PCDHGA7: variants seen among roughly 807,000 people sequenced by gnomAD.
PCDHGA7 encodes protocadherin gamma subfamily A, 7.
Under a neutral mutation model 58.3 loss-of-function variants are expected in PCDHGA7, and 44 were observed. The observed-to-expected ratio is 0.75, with a 90% CI of 0.59 to 0.97. The LOEUF (loss-of-function observed/expected upper bound fraction) is 0.97, where lower values mean the gene tolerates loss of function less well. Among genes scored for constraint, PCDHGA7 ranks in the 50% least tolerant of loss-of-function variants. The pLI is 0.00. For synonymous variants in PCDHGA7, 516 were observed against 504.2 expected (o/e 1.02, Z -0.31); for missense variants, 1,266 against 1,188.7 (o/e 1.06, Z -0.96).
chr5:141,410,885 G>A (rs970749503), intron 1 of PCDHGA7: 7 of 287,302 alleles, frequency 2.4e-5, no homozygotes, highest in African/African-American at 1.6e-4. Context: ...ATGGAGTCTC[G>A]CACTGTTGCC....
At chr5:141,504,378 C>T (rs2099837786) in intron 2 of PCDHGA7, among the ~76,000 whole-genome samples, 1 of 152,052 alleles carries the variant, frequency 6.6e-6, no homozygotes, top group Non-Finnish European at 1.5e-5. Flanking sequence ...CAGGTGGAGT[C>T]GCTGCCTCAC....
At position 141,477,055 on chromosome 5, in the gene PCDHGA7, G is replaced by A. The variant is rs531755338; in HGVS notation, c.2425-17752G>A. Reference sequence around the variant, plus strand: ...CAATCAAGGGTCGGCTGGACTTCGAGGACACCAAACTCCATGAGATTTACA... The same window carrying A: ...CAATCAAGGGTCGGCTGGACTTCGAAGACACCAAACTCCATGAGATTTACA... On this transcript the variant is annotated intron_variant, in intron 1 of 3. Transcript: ENST00000518325. This position sits in a 1 kb window ranked among gnomAD's most constrained non-coding sequence, Gnocchi z 4.9. The A allele has an allele frequency of 4.5e-5, 72 of 1,614,242 alleles. 1 individual carries two copies. In the South Asian group the frequency reaches 7.8e-4, roughly 17 times the overall value.
At chr5:141,456,119 C>G (rs902179639) in intron 1 of PCDHGA7, among the ~76,000 whole-genome samples, 3 of 151,826 alleles carry the variant, frequency 2.0e-5, no homozygotes, top group Non-Finnish European at 4.4e-5. Flanking sequence ...GGATGGTCTC[C>G]ATCTCCTGAC....
intron 1 of PCDHGA7, among the ~76,000 whole-genome samples, chr5:141,469,671 A>G (rs1285283342): frequency 1.3e-5 from 2 of 152,236 alleles, no homozygotes; most frequent in Non-Finnish European, 2.9e-5. Flanking sequence ...TTCTAATAAA[A>G]CTACATATGC....
chr5:141,424,116 T>G, intron 1 of PCDHGA7: 1 of 667,648 alleles, frequency 1.5e-6, no homozygotes, highest in Non-Finnish European at 1.9e-6. Context: ...GTTCAAATTT[T>G]GATCCTGTTG....
At chr5:141,465,241 G>C (rs2099099198) in intron 1 of PCDHGA7, among the ~76,000 whole-genome samples, 1 of 151,964 alleles carries the variant, frequency 6.6e-6, no homozygotes, top group South Asian at 2.1e-4. Flanking sequence ...CAAGTTCAAG[G>C]CACTTTTGTA....
At chr5:141,408,598 A>G (rs1391583761) in intron 1 of PCDHGA7, 1 of 1,614,070 alleles carries the variant, frequency 6.2e-7, no homozygotes, top group Admixed American at 1.7e-5. Flanking sequence ...ACGCCCCTCA[A>G]TTTGATAAAA....
At chr5:141,509,128 A>C (rs995210331) in intron 3 of PCDHGA7, among the ~76,000 whole-genome samples, 8 of 151,958 alleles carry the variant, frequency 5.3e-5, no homozygotes, top group African/African-American at 1.7e-4. Flanking sequence ...TGAAGAGAAA[A>C]ACCGAGGCGC....
chr5:141,382,998 C>G lies in PCDHGA7; in HGVS notation c.99C>G (p.Tyr33Ter). The G allele has an allele frequency of 1.2e-6, 2 of 1,613,740 alleles. No homozygotes were observed. Among genetic ancestry groups the G allele is most frequent in the Non-Finnish European group, 1.7e-6 (2 of 1,179,842 alleles). The change falls in exon 1 of 4, where the codon TAC (tyrosine) becomes TAG (stop). Residue 33 changes from tyrosine (Y) to a stop codon, truncating the protein, a stop_gained. Coordinates refer to ENST00000518325, the MANE Select transcript of PCDHGA7 (RefSeq NM_018920.4). LOFTEE classifies it high-confidence loss of function. ...PWEAWAGRIL[Y>*]SVSEETDKGS... ...AAGCCTGGGCAGGACGTATTCTCTA[C>G]TCCGTGTCGGAGGAGACGGACAAAG... is the stretch of plus-strand genomic sequence containing the variant.
At chr5:141,400,097 A>C (rs753507768) in intron 1 of PCDHGA7, 1 of 1,614,048 alleles carries the variant, frequency 6.2e-7, no homozygotes, top group South Asian at 1.1e-5. Context: ...GCCACGCTGC[A>C]CTTGGTCTTT....
intron 1 of PCDHGA7, chr5:141,409,623 T>G: frequency 6.2e-7 from 1 of 1,613,854 alleles, no homozygotes; most frequent in Non-Finnish European, 8.5e-7. Context: ...ATTGCGCAAG[T>G]GAGCGCCTCT....
intron 1 of PCDHGA7, among the ~76,000 whole-genome samples, chr5:141,469,031 C>T (rs963001535): frequency 1.3e-5 from 2 of 152,070 alleles, no homozygotes; most frequent in Admixed American, 6.6e-5. Flanking sequence ...AATCCCAGCA[C>T]TTTGGGAGGC....
intron 1 of PCDHGA7, chr5:141,392,975 GGA>G: frequency 6.2e-7 from 1 of 1,613,862 alleles, no homozygotes; most frequent in Non-Finnish European, 8.5e-7. Context: ...ACCTGGGGCT[GGA>G]CCCCCGGAAG....
At chr5:141,433,358 C>CCTAG (rs1554125965) in intron 1 of PCDHGA7, 2 of 498,106 alleles carry the variant, frequency 4.0e-6, no homozygotes, top group African/African-American at 4.2e-5. Flanking sequence ...CTACTGTCTG[C>CCTAG]CTATCTATCT....
chr5:141,431,325 G>A lies in PCDHGA7; in HGVS notation c.2424+46002G>A. On this transcript the variant is annotated intron_variant, in intron 1 of 3. Transcript: ENST00000518325. The surrounding 1 kb of genome is among the most constrained non-coding windows in gnomAD (Gnocchi z 4.8). ...ATCGTGCAAAATGGAGCCGACGGTA[G>A]TAAGTACCCCGAATTGGTGCTGAAA... is the stretch of plus-strand genomic sequence containing the variant. 6.2e-7 allele frequency: 1 copy of A among 1,614,144 alleles called. No homozygotes were observed. The highest frequency in any genetic ancestry group is 8.5e-7 in the Non-Finnish European group (1 of 1,180,052).
intron 1 of PCDHGA7, chr5:141,399,027 A>G (rs1427563902): frequency 6.2e-7 from 1 of 1,613,788 alleles, no homozygotes; most frequent in Non-Finnish European, 8.5e-7. Context: ...TTACCACTCA[A>G]AAGAAACTGG....
In PCDHGA7 at chr5:141,405,105, A is replaced by T. The variant is rs1239308721; in HGVS notation, c.2424+19782A>T. The T allele has an allele frequency of 5.6e-6, 9 of 1,613,756 alleles. No individual in the cohort carries two copies. In the Admixed American group the frequency reaches 1.5e-4, roughly 27 times the overall value. Reference sequence around the variant, plus strand: ...ACGCTGCTGGCCCTCAGGCTGAGGCACTGGCACTCCTCGCATCTGCTGCGG... The same window carrying T: ...ACGCTGCTGGCCCTCAGGCTGAGGCTCTGGCACTCCTCGCATCTGCTGCGG... On this transcript the variant is annotated intron_variant, in intron 1 of 3. Coordinates refer to ENST00000518325, the MANE Select transcript of PCDHGA7 (RefSeq NM_018920.4).
At position 141,388,141 on chromosome 5, in the gene PCDHGA7, T is replaced by C. The variant is rs1239201119; in HGVS notation, c.2424+2818T>C. On this transcript the variant is annotated intron_variant, in intron 1 of 3. Transcript: ENST00000518325. ...AGCGCAGAGAGCGGGGAGTTGCTTG[T>C]GAGCAGCAGGCTAGACAGGGAGGAG... 6.9e-7 allele frequency: 1 copy of C among 1,456,446 alleles called. No individual in the cohort carries two copies. The highest frequency in any genetic ancestry group is 2.3e-4 in the Middle Eastern group (1 of 4,348). The allele number at this position is 1,456,446 out of a possible 1,614,324, so 90.2% of individuals were successfully genotyped here. A position where few individuals can be genotyped will look rare whatever the true frequency, so the allele number is the denominator to read the frequency against.
In PCDHGA7 at chr5:141,477,446, C is replaced by A; in HGVS notation, c.2425-17361C>A. 1 of 1,614,196 alleles carries A rather than the reference C, an allele frequency of 6.2e-7. No homozygotes were observed. The highest frequency in any genetic ancestry group is 8.5e-7 in the Non-Finnish European group (1 of 1,180,022). The stretch of plus-strand genomic sequence containing the variant: ...TTCCCTCTCAGCCCTTACAATAGTG[C>A]GTGTTCAAGTGTCCGACATCAATGA... On this transcript the variant is annotated intron_variant, in intron 1 of 3. Transcript: ENST00000518325. The surrounding 1 kb of genome is among the most constrained non-coding windows in gnomAD (Gnocchi z 4.9).
Sources: allele counts gnomAD v4.1 joint callset (sites outside exome capture counted in the v4.1 genomes callset), GRCh38; gene constraint gnomAD v4.1.1; non-coding constraint Gnocchi (gnomAD v3.1); transcripts MANE v1.5; gene names NCBI Gene and HGNC (gene_info 2026-07-23, HGNC 2026-07-21).